The following GPR149 variants were observed in gnomAD, a reference collection of about 807,000 sequenced individuals.
GPR149 encodes the protein probable G protein-coupled receptor 149.
Under a neutral mutation model 50.2 loss-of-function variants are expected in GPR149, and 50 were observed. The ratio of observed to expected loss-of-function variants is 1.00; its 90% CI spans 0.79 to 1.26. The LOEUF is 1.26. GPR149 is among the 50% of genes most tolerant of loss of function. The pLI is 0.00. For synonymous variants in GPR149, 405 were observed against 358.2 expected (o/e 1.13, Z -1.48); for missense variants, 983 against 895.4 (o/e 1.10, Z -1.25).
intron 3 of GPR149, among the ~76,000 whole-genome samples, chr3:154,362,828 A>G (rs760354293): frequency 3.3e-5 from 5 of 152,138 alleles, no homozygotes; most frequent in Non-Finnish European, 7.3e-5. Context: ...GTTTTTCCCA[A>G]ACAAACACTA....
chr3:154,388,703 T>TC, intron 3 of GPR149, among the ~76,000 whole-genome samples: 1 of 152,246 alleles, frequency 6.6e-6, no homozygotes, highest in East Asian at 1.9e-4. Flanking sequence ...TCCACCTGAC[T>TC]CTATTGCCCT....
chr3:154,407,930 C>A (rs1264845787), intron 3 of GPR149, among the ~76,000 whole-genome samples: 2 of 151,914 alleles, frequency 1.3e-5, no homozygotes, highest in Non-Finnish European at 2.9e-5. Flanking sequence ...GTCAGAAAGT[C>A]AGAAAATGCT....
At chr3:154,402,595 C>A (rs1478538327) in intron 3 of GPR149, among the ~76,000 whole-genome samples, 1 of 150,676 alleles carries the variant, frequency 6.6e-6, no homozygotes, top group Non-Finnish European at 1.5e-5. Context: ...AGTTTGAAAG[C>A]CAAGAAAAAA....
rs1712440603 is a variant in GPR149 at position 154,430,064 on chromosome 3, G to T, written c.-449C>A. Among the ~76,000 whole-genome samples the T allele has an allele frequency of 6.6e-6, 1 of 151,822 alleles. No homozygotes were observed. ...TTAAGAGCAGTAAAATGATGCATTT[G>T]GTTCCAGAGCTGGATTCAAAGGCAG... On this transcript the variant is annotated 5_prime_UTR_variant, in exon 1 of 4. Coordinates refer to ENST00000389740, the MANE Select transcript of GPR149 (RefSeq NM_001038705.3).
At chr3:154,404,332 T>G (rs1339618848) in intron 3 of GPR149, among the ~76,000 whole-genome samples, 3 of 152,206 alleles carry the variant, frequency 2.0e-5, no homozygotes, top group Non-Finnish European at 4.4e-5. Context: ...TTTAAATCTT[T>G]TGCCCACATA....
chr3:154,352,539 G>T lies in GPR149; in HGVS notation c.1624-14268C>A, dbSNP rs1005239792. The stretch of plus-strand genomic sequence containing the variant: ...TAGCTTTCTATTAAGTTCTTTCCAG[G>T]CACAGGTGACATCCTGTATTTCCTC... On this transcript the variant is annotated intron_variant, in intron 3 of 3. Coordinates refer to ENST00000389740, the MANE Select transcript of GPR149 (RefSeq NM_001038705.3). The T allele has an allele frequency of 1.2e-5, 9 of 774,520 alleles. No individual in the cohort carries two copies. In the Admixed American group the frequency reaches 1.5e-4, roughly 13 times the overall value. 48.0% of individuals were successfully genotyped at this position (774,520 alleles called of 1,614,324 possible).
intron 3 of GPR149, among the ~76,000 whole-genome samples, chr3:154,391,213 G>T (rs1013635002): frequency 9.3e-5 from 14 of 151,232 alleles, no homozygotes; most frequent in Non-Finnish European, 2.1e-4. Flanking sequence ...ATATAAAAAA[G>T]TCAAAAGTAC....
At chr3:154,396,984 T>C (rs1515649) in intron 3 of GPR149, among the ~76,000 whole-genome samples, 145,696 of 152,112 alleles carry the variant, frequency 0.96, 69,880 homozygotes, top group East Asian at 1. Flanking sequence ...GAGTTTAAAA[T>C]GTATAATAAT....
chr3:154,399,001 C>A (rs1715359266), intron 3 of GPR149, among the ~76,000 whole-genome samples: 1 of 152,106 alleles, frequency 6.6e-6, no homozygotes. Context: ...TATGTTATAA[C>A]TTTGATTTAT....
chr3:154,406,258 T>G (rs565432795), intron 3 of GPR149, among the ~76,000 whole-genome samples: 1 of 152,256 alleles, frequency 6.6e-6, no homozygotes, highest in Non-Finnish European at 1.5e-5. Flanking sequence ...TTTAAAAGTG[T>G]GATAATATAC....
chr3:154,414,741 T>C (rs947779886), intron 3 of GPR149, among the ~76,000 whole-genome samples: 1 of 151,898 alleles, frequency 6.6e-6, no homozygotes, highest in Non-Finnish European at 1.5e-5. Flanking sequence ...TTCTGTCAAT[T>C]GAAAAATAAG....
intron 3 of GPR149, among the ~76,000 whole-genome samples, chr3:154,381,022 C>A (rs1488757456): frequency 6.6e-6 from 1 of 152,180 alleles, no homozygotes; most frequent in Non-Finnish European, 1.5e-5. Flanking sequence ...TCTCCACACT[C>A]AGAATTTTTT....
chr3:154,382,584 T>C (rs1467685372), intron 3 of GPR149, among the ~76,000 whole-genome samples: 4 of 152,226 alleles, frequency 2.6e-5, no homozygotes, highest in African/African-American at 9.6e-5. Flanking sequence ...TTTGAATATC[T>C]TCAATTAATA....
intron 3 of GPR149, among the ~76,000 whole-genome samples, chr3:154,400,844 C>A (rs1442585905): frequency 6.6e-6 from 1 of 152,164 alleles, no homozygotes; most frequent in African/African-American, 2.4e-5. Context: ...TCATAAGAGA[C>A]TAGCCACTAC....
intron 3 of GPR149, among the ~76,000 whole-genome samples, chr3:154,347,837 A>T (rs1713972190): frequency 6.6e-6 from 1 of 152,188 alleles, no homozygotes; most frequent in African/African-American, 2.4e-5. Context: ...TCATACGTGG[A>T]AAGAAAAAAC....
intron 3 of GPR149, among the ~76,000 whole-genome samples, chr3:154,343,511 G>A (rs140501243): frequency 2.5e-4 from 38 of 152,210 alleles, no homozygotes; most frequent in African/African-American, 6.3e-4. Flanking sequence ...TAGCCTCAGC[G>A]TTCATCATCT....
chr3:154,377,949 C>T (rs960363289), intron 3 of GPR149, among the ~76,000 whole-genome samples: 4 of 152,106 alleles, frequency 2.6e-5, no homozygotes, highest in Non-Finnish European at 5.9e-5. Flanking sequence ...AAAGAAATCA[C>T]ACAATATGTA....
At chr3:154,385,382 C>T (rs892312845) in intron 3 of GPR149, among the ~76,000 whole-genome samples, 1 of 152,202 alleles carries the variant, frequency 6.6e-6, no homozygotes, top group African/African-American at 2.4e-5. Flanking sequence ...ACTACAGGAA[C>T]AACACCCTTG....
At chr3:154,359,037 C>T (rs753941629) in intron 3 of GPR149, among the ~76,000 whole-genome samples, 2 of 151,864 alleles carry the variant, frequency 1.3e-5, no homozygotes, top group African/African-American at 4.8e-5. Context: ...TAATTTTAAC[C>T]CTTGTGAAAA....
Sources: gnomAD v4.1 joint callset for allele counts (sites outside exome capture counted in the v4.1 genomes callset) on GRCh38, gnomAD v4.1.1 for gene constraint, MANE v1.5 for transcripts, NCBI Gene and HGNC (gene_info 2026-07-23, HGNC 2026-07-21) for gene names.